Variants in ATP6V0D1 observed in about 807,000 individuals in gnomAD.
The protein encoded by ATP6V0D1 is ATPase H+ transporting V0 subunit d1, also known as V-type proton ATPase subunit d 1.
Under a neutral mutation model 39.0 loss-of-function variants are expected in ATP6V0D1, and 13 were observed. The ratio of observed to expected loss-of-function variants is 0.33; its 90% CI spans 0.22 to 0.53. ATP6V0D1 has a LOEUF of 0.53. Among genes scored for constraint, ATP6V0D1 ranks in the 20% least tolerant of loss-of-function variants. The pLI, the probability that ATP6V0D1 is intolerant of heterozygous loss-of-function variation, is 0.94. For missense variants in ATP6V0D1, 272 were observed against 470.9 expected, an observed-to-expected ratio of 0.58 and a Z score of 3.91; for synonymous variants, 191 against 191.2, an observed-to-expected ratio of 1.00 and a Z score of 0.01.
intron 1 of ATP6V0D1, among the ~76,000 whole-genome samples, chr16:67,467,282 G>T (rs540321619): frequency 6.6e-6 from 1 of 152,162 alleles, no homozygotes; most frequent in African/African-American, 2.4e-5. Flanking sequence ...CGAGGTGGGC[G>T]GATCACGAGG....
At chr16:67,460,602 G>A (rs780364079) in intron 1 of ATP6V0D1, among the ~76,000 whole-genome samples, 3 of 152,130 alleles carry the variant, frequency 2.0e-5, no homozygotes, top group Admixed American at 6.5e-5. Flanking sequence ...CAAACCTCAC[G>A]TAACACCAAT....
chr16:67,443,082 C>T lies in ATP6V0D1; in HGVS notation c.561+17G>A, dbSNP rs751347698. The T allele has an allele frequency of 1.2e-6, 2 of 1,612,696 alleles. No homozygotes were observed. The highest frequency in any genetic ancestry group is 1.7e-6 in the Non-Finnish European group (2 of 1,179,422). On this transcript the variant is annotated intron_variant, in intron 4 of 7. Coordinates refer to ENST00000290949, the MANE Select transcript of ATP6V0D1 (RefSeq NM_004691.5). The stretch of plus-strand genomic sequence containing the variant: ...CCACCGACAGGCCAATCCCCCATGG[C>T]TTGTGTGGGGCATTACCTTGTAGAG...
intron 1 of ATP6V0D1, chr16:67,459,217 T>C: frequency 1.0e-6 from 1 of 985,444 alleles, no homozygotes; most frequent in South Asian, 4.7e-5. Flanking sequence ...GCCCTTGAAG[T>C]GCAGGAAATA....
At chr16:67,460,409 T>C (rs2041279926) in intron 1 of ATP6V0D1, among the ~76,000 whole-genome samples, 1 of 151,610 alleles carries the variant, frequency 6.6e-6, no homozygotes, top group Non-Finnish European at 1.5e-5. Flanking sequence ...TCATATCAGC[T>C]CCAAAGCAGA....
chr16:67,480,109 G>C (rs1045569789), intron 1 of ATP6V0D1, among the ~76,000 whole-genome samples: 4 of 118,250 alleles, frequency 3.4e-5, no homozygotes, highest in African/African-American at 5.7e-5. Flanking sequence ...TGAGGCAGGA[G>C]AATGGCGTGA....
At chr16:67,462,303 C>T (rs558194308) in intron 1 of ATP6V0D1, among the ~76,000 whole-genome samples, 2 of 152,356 alleles carry the variant, frequency 1.3e-5, no homozygotes, top group Admixed American at 6.5e-5. Flanking sequence ...ACACCCTCCT[C>T]TGTTGATGCC....
chr16:67,447,563 G>T lies in ATP6V0D1; in HGVS notation c.303-2857C>A, dbSNP rs1001317235. On this transcript the variant is annotated intron_variant, in intron 2 of 7. Coordinates refer to ENST00000290949, the MANE Select transcript of ATP6V0D1 (RefSeq NM_004691.5). This position sits in a 1 kb window ranked among gnomAD's most constrained non-coding sequence, Gnocchi z 4.1. Reference sequence around the variant, plus strand: ...CAGCATCTCCCTCCAGGGGAAGACAGCTGGGGAGTGGAGGGCCGGCTGCCC... The same window carrying T: ...CAGCATCTCCCTCCAGGGGAAGACATCTGGGGAGTGGAGGGCCGGCTGCCC... 6.6e-6 allele frequency among the ~76,000 whole-genome samples: 1 copy of T among 152,198 alleles called. No homozygotes were observed. The highest frequency in any genetic ancestry group is 2.4e-5 in the African/African-American group (1 of 41,466).
At chr16:67,440,611 G>C (rs1214943341) in intron 4 of ATP6V0D1, 1 of 152,258 alleles carries the variant, frequency 6.6e-6, no homozygotes, top group African/African-American at 2.4e-5. Context: ...GAACTCCAAG[G>C]TGTGGAGACC....
At position 67,438,305 on chromosome 16, in the gene ATP6V0D1, C is replaced by T. The variant is rs1567531762; in HGVS notation, c.*223G>A. On this transcript the variant is annotated 3_prime_UTR_variant, in exon 8 of 8. Coordinates refer to ENST00000290949, the MANE Select transcript of ATP6V0D1 (RefSeq NM_004691.5). Reference sequence around the variant, plus strand: ...GCCTCCTTGCTCTGGAGGGGGTCTTCGTCCATCCTTGGTGGGGGGGGGTGC... The same window carrying T: ...GCCTCCTTGCTCTGGAGGGGGTCTTTGTCCATCCTTGGTGGGGGGGGGTGC... The T allele has an allele frequency of 1.4e-5, 8 of 591,796 alleles. No individual in the cohort carries two copies. Among genetic ancestry groups the T allele is most frequent in the African/African-American group, 7.5e-5 (4 of 53,584 alleles). 36.7% of individuals were successfully genotyped at this position (591,796 alleles called of 1,614,324 possible).
intron 2 of ATP6V0D1, among the ~76,000 whole-genome samples, chr16:67,451,932 G>A (rs1033532349): frequency 6.6e-6 from 1 of 152,236 alleles, no homozygotes; most frequent in Admixed American, 6.5e-5. Flanking sequence ...GGGCAGTGGG[G>A]TGGGTGATAT....
intron 4 of ATP6V0D1, among the ~76,000 whole-genome samples, chr16:67,442,690 TC>T (rs2041066930): frequency 6.6e-6 from 1 of 151,826 alleles, no homozygotes; most frequent in Non-Finnish European, 1.5e-5. Flanking sequence ...GCCAGATCCC[TC>T]CCCCCACCAT....
Position 67,481,095 on chromosome 16 carries a change from C to A in ATP6V0D1, c.-9G>T, listed in dbSNP as rs200195343. On this transcript the variant is annotated 5_prime_UTR_variant, in exon 1 of 8. Transcript: ENST00000290949. ...TCCGGGAAGAACGACATGGCTGCTGCGGGAGCGGCGGGACCGGAGAACCAG... is the reference window on the plus strand; with the variant it reads ...TCCGGGAAGAACGACATGGCTGCTGAGGGAGCGGCGGGACCGGAGAACCAG... 1.2e-6 allele frequency: 2 copies of A among 1,613,654 alleles called. No individual in the cohort carries two copies. Among genetic ancestry groups the A allele is most frequent in the East Asian group, 4.5e-5 (2 of 44,862 alleles).
chr16:67,459,893 A>T (rs2041275753), intron 1 of ATP6V0D1, among the ~76,000 whole-genome samples: 1 of 152,220 alleles, frequency 6.6e-6, no homozygotes, highest in Non-Finnish European at 1.5e-5. Flanking sequence ...GGCGGGGCAG[A>T]CCCGCTTGAG....
chr16:67,444,823 C>T lies in ATP6V0D1; in HGVS notation c.303-117G>A. Reference sequence around the variant, plus strand: ...ATCACCCCTTAACAATGTATGCTGACTCATGGGTGCTGCGGATAAGCACCA... The same window carrying T: ...ATCACCCCTTAACAATGTATGCTGATTCATGGGTGCTGCGGATAAGCACCA... On this transcript the variant is annotated intron_variant, in intron 2 of 7. Transcript: ENST00000290949. This position sits in a 1 kb window ranked among gnomAD's most constrained non-coding sequence, Gnocchi z 4.8. The T allele has an allele frequency of 1.1e-6, 1 of 946,380 alleles. No individual in the cohort carries two copies. The highest frequency in any genetic ancestry group is 1.5e-6 in the Non-Finnish European group (1 of 659,364). The allele number at this position is 946,380 out of a possible 1,614,324, so 58.6% of individuals were successfully genotyped here.
intron 1 of ATP6V0D1, among the ~76,000 whole-genome samples, chr16:67,460,400 C>CA (rs2041279846): frequency 6.6e-6 from 1 of 151,984 alleles, no homozygotes; most frequent in Non-Finnish European, 1.5e-5. Context: ...CCTTTTTTTT[C>CA]ATATCAGCTC....
intron 1 of ATP6V0D1, among the ~76,000 whole-genome samples, chr16:67,469,589 T>G (rs1292555849): frequency 3.3e-5 from 5 of 151,992 alleles, no homozygotes; most frequent in African/African-American, 9.7e-5. Context: ...AGTGGCTTCA[T>G]GGGGGTTCCC....
chr16:67,463,543 A>G (rs2041305700), intron 1 of ATP6V0D1, among the ~76,000 whole-genome samples: 1 of 152,140 alleles, frequency 6.6e-6, no homozygotes, highest in East Asian at 1.9e-4. Context: ...AAAGAAAGAA[A>G]AAAGAAAGAG....
At chr16:67,468,599 G>GA (rs1220639385) in intron 1 of ATP6V0D1, among the ~76,000 whole-genome samples, 118 of 84,582 alleles carry the variant, frequency 1.4e-3, no homozygotes, top group South Asian at 4.8e-3. Flanking sequence ...AAAAGAAAAA[G>GA]AAAAAAAAAA....
intron 1 of ATP6V0D1, among the ~76,000 whole-genome samples, chr16:67,472,108 G>A (rs1169919154): frequency 1.3e-5 from 2 of 151,994 alleles, no homozygotes; most frequent in Non-Finnish European, 2.9e-5. Flanking sequence ...CCTCATTCTC[G>A]CAGGCAGCAG....
Sources: gnomAD v4.1 joint callset for allele counts (sites outside exome capture counted in the v4.1 genomes callset) on GRCh38, gnomAD v4.1.1 for gene constraint, Gnocchi (gnomAD v3.1) non-coding constraint, MANE v1.5 for transcripts, NCBI Gene and HGNC (gene_info 2026-07-23, HGNC 2026-07-21) for gene names.